The following DOK6 variants were observed in gnomAD, a reference collection of about 807,000 sequenced individuals.
The protein encoded by DOK6 is downstream of tyrosine kinase 6.
Under a neutral mutation model 44.0 loss-of-function variants are expected in DOK6, and 22 were observed. The observed-to-expected ratio is 0.50, with a 90% confidence interval of 0.36 to 0.71. The LOEUF is 0.71. Ranked by LOEUF, DOK6 falls within the 30% of genes least tolerant of loss-of-function variation. DOK6 has a pLI of 0.00. For synonymous variants in DOK6, 166 were observed against 145.5 expected (o/e 1.14, Z -1.01); for missense variants, 340 against 416.4 (o/e 0.82, Z 1.60).
intron 5 of DOK6, among the ~76,000 whole-genome samples, chr18:69,721,092 G>T (rs1321454979): frequency 6.6e-6 from 1 of 152,160 alleles, no homozygotes; most frequent in Non-Finnish European, 1.5e-5. Context: ...TAAAAAAGAA[G>T]TAGCTATCCT....
At position 69,659,182 on chromosome 18, in the gene DOK6, A is replaced by T. The variant is rs147795720; in HGVS notation, c.290-18552A>T. ...TCTGCATGTTCTCTGCTGCTCCAGC[A>T]TTTAACCTTCATGGTCAAAGGATGC... is the stretch of plus-strand genomic sequence containing the variant. On this transcript the variant is annotated intron_variant, in intron 3 of 7. Transcript: ENST00000382713. Among the ~76,000 whole-genome samples the T allele has an allele frequency of 3.0e-3, 462 of 152,318 alleles. 1 individual carries two copies. Among genetic ancestry groups the T allele is most frequent in the African/African-American group, 0.011 (439 of 41,578 alleles).
chr18:69,535,767 A>G (rs1023602530), intron 1 of DOK6, among the ~76,000 whole-genome samples: 1 of 152,042 alleles, frequency 6.6e-6, no homozygotes, highest in Non-Finnish European at 1.5e-5. Flanking sequence ...GGAGTCCCAA[A>G]TTTCATTATG....
chr18:69,725,214 A>C (rs138176987), intron 5 of DOK6, among the ~76,000 whole-genome samples: 3 of 152,256 alleles, frequency 2.0e-5, no homozygotes, highest in Admixed American at 1.3e-4. Flanking sequence ...AATCTTACTC[A>C]TTCGGGCAGC....
rs182200686 is a variant in DOK6, at chr18:69,810,382, G to A, written c.857-30862G>A. 2.2e-3 allele frequency among the ~76,000 whole-genome samples: 336 copies of A among 152,000 alleles called. 2 individuals are homozygous for A. The highest frequency in any genetic ancestry group is 2.8e-3 in the Non-Finnish European group (187 of 67,846). On this transcript the variant is annotated intron_variant, in intron 7 of 7. Transcript: ENST00000382713. ...TACTAGAAGAACACATAGAGGAGGA[G>A]CTCCATGATATTGGCCTATGCAATG...
intron 1 of DOK6, among the ~76,000 whole-genome samples, chr18:69,541,162 A>G (rs1982258922): frequency 6.6e-6 from 1 of 151,810 alleles, no homozygotes; most frequent in East Asian, 1.9e-4. Context: ...GTTTTATTTT[A>G]CCCAAATATA....
At chr18:69,505,012 T>A (rs1489883833) in intron 1 of DOK6, among the ~76,000 whole-genome samples, 1 of 152,216 alleles carries the variant, frequency 6.6e-6, no homozygotes, top group Admixed American at 6.5e-5. Flanking sequence ...ACGTTTATGA[T>A]TGCATTTATC....
intron 7 of DOK6, among the ~76,000 whole-genome samples, chr18:69,811,067 T>C (rs1981207893): frequency 6.6e-6 from 1 of 151,906 alleles, no homozygotes; most frequent in Non-Finnish European, 1.5e-5. Flanking sequence ...CATCAAGAGA[T>C]GACGAATGGA....
Position 69,841,367 on chromosome 18 carries a change from C to A in DOK6, c.980C>A (p.Ser327Tyr), listed in dbSNP as rs368072664. Residue 327 changes from serine (S) to tyrosine (Y), a missense_variant, in exon 8 of 8, where the codon TCC becomes TAC. Physicochemically the swap from Ser to Tyr is moderately radical, Grantham distance 144 (BLOSUM62 -2). Around this residue, in one of 3 missense-constraint regions of DOK6, gnomAD observed 112 missense variants for 109.3 expected, o/e 1.02. Transcript: ENST00000382713. ...RSSSYGFSYSSSLIQ is the reference protein window; with the variant it reads ...RSSSYGFSYSYSLIQ ...AGCAGCTATGGATTCAGCTACAGCT[C>A]CAGCCTCATCCAATGACACACAGAG... 6.1e-5 allele frequency: 99 copies of A among 1,614,058 alleles called. No homozygotes were observed. Among genetic ancestry groups the A allele is most frequent in the Non-Finnish European group, 8.0e-5 (94 of 1,180,046 alleles).
At chr18:69,612,166 A>C (rs1465425579) in intron 3 of DOK6, among the ~76,000 whole-genome samples, 4 of 152,076 alleles carry the variant, frequency 2.6e-5, no homozygotes, top group Admixed American at 2.0e-4. Context: ...ACAAAAAGTA[A>C]ATTAGGTATA....
chr18:69,526,107 C>G (rs563964179), intron 1 of DOK6, among the ~76,000 whole-genome samples: 3 of 152,098 alleles, frequency 2.0e-5, no homozygotes, highest in East Asian at 1.9e-4. Flanking sequence ...TAGAATTCAC[C>G]TATTTAATAT....
intron 7 of DOK6, among the ~76,000 whole-genome samples, chr18:69,789,176 T>C (rs1470653578): frequency 2.0e-5 from 3 of 152,216 alleles, no homozygotes; most frequent in African/African-American, 7.2e-5. Context: ...GTCTCCCTAA[T>C]TCCGAGTTTC....
At chr18:69,766,312 T>C (rs1488000229) in intron 7 of DOK6, among the ~76,000 whole-genome samples, 1 of 152,156 alleles carries the variant, frequency 6.6e-6, no homozygotes, top group Non-Finnish European at 1.5e-5. Context: ...ACCCGGGTGA[T>C]GGGATCAGTC....
chr18:69,797,123 C>T (rs1454778650), intron 7 of DOK6, among the ~76,000 whole-genome samples: 5 of 152,034 alleles, frequency 3.3e-5, no homozygotes, highest in Admixed American at 3.3e-4. Flanking sequence ...AATTAGAAAG[C>T]AATACTTTAC....
intron 2 of DOK6, among the ~76,000 whole-genome samples, chr18:69,593,052 A>T (rs894882858): frequency 6.6e-6 from 1 of 151,620 alleles, no homozygotes; most frequent in Admixed American, 6.6e-5. Context: ...CATGGTTAAA[A>T]TTTTTTTTTA....
intron 4 of DOK6, among the ~76,000 whole-genome samples, chr18:69,693,965 A>G (rs954092542): frequency 3.4e-5 from 5 of 145,064 alleles, no homozygotes; most frequent in Admixed American, 2.9e-4. Flanking sequence ...AGGCTGAGGC[A>G]GGAGAATGGC....
chr18:69,448,309 C>T (rs1013351465), intron 1 of DOK6, among the ~76,000 whole-genome samples: 5 of 152,174 alleles, frequency 3.3e-5, no homozygotes, highest in Non-Finnish European at 5.9e-5. Flanking sequence ...GAGGGTTGGG[C>T]TGGCATTTCT....
At chr18:69,637,339 T>C (rs1984832670) in intron 3 of DOK6, among the ~76,000 whole-genome samples, 1 of 152,238 alleles carries the variant, frequency 6.6e-6, no homozygotes, top group Non-Finnish European at 1.5e-5. Context: ...TGAAAATTTG[T>C]CAGGCACATT....
At chr18:69,535,456 A>G (rs1982096438) in intron 1 of DOK6, among the ~76,000 whole-genome samples, 1 of 151,938 alleles carries the variant, frequency 6.6e-6, no homozygotes, top group Non-Finnish European at 1.5e-5. Flanking sequence ...AGACAATATA[A>G]TTTCCATAAA....
At chr18:69,602,643 C>A (rs1174163695) in intron 3 of DOK6, among the ~76,000 whole-genome samples, 1 of 152,018 alleles carries the variant, frequency 6.6e-6, no homozygotes, top group Non-Finnish European at 1.5e-5. Flanking sequence ...TAAGATGTTA[C>A]TAATAGAAGA....
Sources: allele counts gnomAD v4.1 joint callset (sites outside exome capture counted in the v4.1 genomes callset), GRCh38; gene constraint gnomAD v4.1.1; regional missense constraint gnomAD v4.1.1; transcripts MANE v1.5; gene names NCBI Gene and HGNC (gene_info 2026-07-23, HGNC 2026-07-21).